The following CDH18 variants were observed in gnomAD, a reference collection of about 807,000 sequenced individuals.
The protein encoded by CDH18 is cadherin 18.
CDH18 carries 31 observed loss-of-function variants against 67.9 expected under a neutral mutation model. The observed-to-expected ratio is 0.46, with a 90% CI of 0.34 to 0.62. The LOEUF (loss-of-function observed/expected upper bound fraction) is 0.62. Ranked by LOEUF, CDH18 falls within the 20% of genes least tolerant of loss-of-function variation. The pLI is 0.01. For missense variants in CDH18, 890 were observed against 975.5 expected (o/e 0.91, Z 1.17); for synonymous variants, 362 against 347.2 (o/e 1.04, Z -0.48).
chr5:19,488,846 T>C (rs1740820382), intron 11 of CDH18, among the ~76,000 whole-genome samples: 1 of 152,244 alleles, frequency 6.6e-6, no homozygotes, highest in Non-Finnish European at 1.5e-5. Context: ...CTTCGTATTC[T>C]CTGACTTCCC....
intron 2 of CDH18, among the ~76,000 whole-genome samples, chr5:19,864,176 C>T (rs2149992953): frequency 6.7e-6 from 1 of 150,312 alleles, no homozygotes. Context: ...GGCACATATA[C>T]ACCATGGAAT....
At chr5:19,807,641 T>C (rs1018420161) in intron 3 of CDH18, among the ~76,000 whole-genome samples, 3 of 152,146 alleles carry the variant, frequency 2.0e-5, no homozygotes, top group Non-Finnish European at 4.4e-5. Flanking sequence ...CATCTCAGGA[T>C]TTTTACACAT....
At chr5:19,550,932 CCTGA>C (rs1211527848) in intron 8 of CDH18, among the ~76,000 whole-genome samples, 1 of 152,122 alleles carries the variant, frequency 6.6e-6, no homozygotes, top group Non-Finnish European at 1.5e-5. Flanking sequence ...CCTGTTGTTT[CCTGA>C]CTTTTTAATG....
chr5:20,061,009 T>C (rs1192080667), intron 2 of CDH18, among the ~76,000 whole-genome samples: 1 of 151,994 alleles, frequency 6.6e-6, no homozygotes, highest in Non-Finnish European at 1.5e-5. Flanking sequence ...ATTCAATACT[T>C]AGGAAAGCAA....
chr5:19,645,895 AT>A (rs1183550801), intron 5 of CDH18, among the ~76,000 whole-genome samples: 1 of 152,222 alleles, frequency 6.6e-6, no homozygotes, highest in Non-Finnish European at 1.5e-5. Context: ...ATGAATAGAA[AT>A]AATATCATCT....
intron 2 of CDH18, among the ~76,000 whole-genome samples, chr5:20,079,938 CTT>C (rs1333047855): frequency 6.6e-6 from 1 of 152,076 alleles, no homozygotes; most frequent in African/African-American, 2.4e-5. Context: ...AGAAAGTTCT[CTT>C]GTCTCTCCCT....
chr5:20,538,111 G>C (rs894349201), intron 1 of CDH18, among the ~76,000 whole-genome samples: 1 of 152,080 alleles, frequency 6.6e-6, no homozygotes, highest in Admixed American at 6.5e-5. Flanking sequence ...GGGAAGTGCA[G>C]AGACACCGAA....
At chr5:20,072,582 A>T (rs1743575162) in intron 2 of CDH18, among the ~76,000 whole-genome samples, 1 of 151,974 alleles carries the variant, frequency 6.6e-6, no homozygotes, top group Non-Finnish European at 1.5e-5. Flanking sequence ...AAACAAATCA[A>T]TCATATTTAA....
chr5:19,964,656 A>G (rs1229422857), intron 2 of CDH18, among the ~76,000 whole-genome samples: 1 of 151,316 alleles, frequency 6.6e-6, no homozygotes, highest in Admixed American at 6.6e-5. Context: ...TCAAAAAAAA[A>G]AAAAAGAAAA....
intron 1 of CDH18, among the ~76,000 whole-genome samples, chr5:20,270,865 GCAACC>G (rs1745385192): frequency 2.0e-5 from 3 of 152,056 alleles, no homozygotes; most frequent in Non-Finnish European, 2.9e-5. Flanking sequence ...ATTATCCTTA[GCAACC>G]TCTAATGCAG....
intron 9 of CDH18, among the ~76,000 whole-genome samples, chr5:19,534,135 A>G (rs1203783681): frequency 6.6e-6 from 1 of 151,964 alleles, no homozygotes; most frequent in Non-Finnish European, 1.5e-5. Context: ...AGAACCTAAA[A>G]GGTATGAAAG....
chr5:20,395,022 A>G (rs969743457), intron 1 of CDH18, among the ~76,000 whole-genome samples: 4 of 152,208 alleles, frequency 2.6e-5, no homozygotes, highest in Non-Finnish European at 5.9e-5. Flanking sequence ...ATTTGTGGAA[A>G]ACAGTATGGA....
intron 1 of CDH18, among the ~76,000 whole-genome samples, chr5:20,303,123 G>C (rs1012637626): frequency 2.6e-5 from 4 of 152,058 alleles, no homozygotes; most frequent in Admixed American, 2.6e-4. Context: ...CACACGGCTC[G>C]TGTGTCAAAG....
intron 2 of CDH18, among the ~76,000 whole-genome samples, chr5:20,070,457 T>C (rs1376128515): frequency 6.6e-6 from 1 of 152,160 alleles, no homozygotes; most frequent in African/African-American, 2.4e-5. Context: ...TAGAGGTATG[T>C]TTGTCTCCAA....
intron 1 of CDH18, among the ~76,000 whole-genome samples, chr5:20,343,936 CA>C (rs1202680824): frequency 6.6e-6 from 1 of 152,124 alleles, no homozygotes. Context: ...AACAGATTAG[CA>C]GACCAAACAG....
chr5:19,644,632 T>C (rs1754473911), intron 5 of CDH18, among the ~76,000 whole-genome samples: 1 of 152,124 alleles, frequency 6.6e-6, no homozygotes, highest in Non-Finnish European at 1.5e-5. Flanking sequence ...TGTGACAGAC[T>C]AGTTACTTAA....
At chr5:20,296,306 T>C (rs1470805123) in intron 1 of CDH18, among the ~76,000 whole-genome samples, 1 of 151,474 alleles carries the variant, frequency 6.6e-6, no homozygotes, top group East Asian at 1.9e-4. Context: ...CAGGCTGGAG[T>C]GCAGTGGCGC....
At position 19,552,750 on chromosome 5, in the gene CDH18, A is replaced by C. The variant is rs1408815965; in HGVS notation, c.1254-8745T>G. Among the ~76,000 whole-genome samples the C allele has an allele frequency of 3.3e-5, 5 of 152,258 alleles. No individual in the cohort carries two copies. In the East Asian group the frequency reaches 7.7e-4, roughly 24 times the overall value. Reference sequence around the variant, plus strand: ...TGGTCTTTATTAGCCCTCTAACTGGACAAGTCCCATAGGCAAACCTTAACT... The same window carrying C: ...TGGTCTTTATTAGCCCTCTAACTGGCCAAGTCCCATAGGCAAACCTTAACT... On this transcript the variant is annotated intron_variant, in intron 8 of 12. Coordinates refer to ENST00000382275, the MANE Select transcript of CDH18 (RefSeq NM_004934.5).
At chr5:19,593,376 G>T (rs943952552) in intron 6 of CDH18, among the ~76,000 whole-genome samples, 3 of 152,090 alleles carry the variant, frequency 2.0e-5, no homozygotes, top group Non-Finnish European at 4.4e-5. Flanking sequence ...GGTATGAGGT[G>T]TTATCATACT....
Sources: gnomAD v4.1 joint callset for allele counts (sites outside exome capture counted in the v4.1 genomes callset) on GRCh38, gnomAD v4.1.1 for gene constraint, MANE v1.5 for transcripts, NCBI Gene and HGNC (gene_info 2026-07-23, HGNC 2026-07-21) for gene names.